The following FBXL17 variants were observed in gnomAD, a reference collection of about 807,000 sequenced individuals.
The protein encoded by FBXL17 is F-box/LRR-repeat protein 17.
FBXL17 carries 22 observed loss-of-function variants against 66.2 expected under a neutral mutation model. The observed-to-expected ratio is 0.33, with a 90% CI of 0.24 to 0.47. FBXL17 has a LOEUF of 0.47. Among genes scored for constraint, FBXL17 ranks in the 20% least tolerant of loss-of-function variants. The probability of loss-of-function intolerance (pLI) is 1.00; values close to 1 mark genes in which losing one functional copy is unlikely to be tolerated. For missense variants in FBXL17, 878 were observed against 948.2 expected, an observed-to-expected ratio of 0.93 and a Z score of 0.97; for synonymous variants, 474 against 400.5, an observed-to-expected ratio of 1.18 and a Z score of -2.19.
At chr5:108,257,283 A>C (rs1756617105) in intron 4 of FBXL17, among the ~76,000 whole-genome samples, 1 of 152,174 alleles carries the variant, frequency 6.6e-6, no homozygotes, top group South Asian at 2.1e-4. Context: ...TTATCTATAA[A>C]ACAGGGATTA....
intron 7 of FBXL17, among the ~76,000 whole-genome samples, chr5:107,894,203 T>G (rs142998089): frequency 6.6e-6 from 1 of 152,314 alleles, no homozygotes; most frequent in African/African-American, 2.4e-5. Context: ...AAGCTTTTCC[T>G]GAAAGATAGC....
At chr5:108,213,812 T>C (rs1754480973) in intron 5 of FBXL17, among the ~76,000 whole-genome samples, 1 of 152,214 alleles carries the variant, frequency 6.6e-6, no homozygotes, top group Non-Finnish European at 1.5e-5. Flanking sequence ...TTTAATATAG[T>C]TTTAATTTGC....
intron 6 of FBXL17, among the ~76,000 whole-genome samples, chr5:108,026,609 C>G (rs918336002): frequency 1.3e-5 from 2 of 152,160 alleles, no homozygotes; most frequent in Non-Finnish European, 2.9e-5. Context: ...ACCACAGGGG[C>G]AAAGACTAGG....
chr5:107,989,522 C>T (rs1388342213), intron 7 of FBXL17, among the ~76,000 whole-genome samples: 2 of 152,100 alleles, frequency 1.3e-5, no homozygotes, highest in Non-Finnish European at 2.9e-5. Flanking sequence ...TGCACCATGC[C>T]TTCATCCATT....
At chr5:107,968,274 T>A (rs771708109) in intron 7 of FBXL17, among the ~76,000 whole-genome samples, 2 of 152,110 alleles carry the variant, frequency 1.3e-5, no homozygotes, top group South Asian at 4.1e-4. Context: ...AGAGCTAGGA[T>A]TTGAACACAG....
At chr5:108,073,673 T>A (rs1580405343) in intron 6 of FBXL17, among the ~76,000 whole-genome samples, 1 of 152,018 alleles carries the variant, frequency 6.6e-6, no homozygotes, top group Admixed American at 6.5e-5. Context: ...AAATCCAACA[T>A]GTTAAGGTTA....
chr5:108,149,986 A>G (rs1005473770), intron 6 of FBXL17, among the ~76,000 whole-genome samples: 2 of 152,202 alleles, frequency 1.3e-5, no homozygotes, highest in Non-Finnish European at 2.9e-5. Flanking sequence ...ATACTAAAAA[A>G]AGAAAGAGTA....
intron 4 of FBXL17, among the ~76,000 whole-genome samples, chr5:108,234,194 T>C (rs904614360): frequency 2.0e-5 from 3 of 152,136 alleles, no homozygotes; most frequent in Non-Finnish European, 2.9e-5. Flanking sequence ...TTACTCTACT[T>C]ATAAACTTGG....
intron 7 of FBXL17, among the ~76,000 whole-genome samples, chr5:107,894,236 A>G (rs1749298642): frequency 6.6e-6 from 1 of 152,220 alleles, no homozygotes. Flanking sequence ...ACCTATATCC[A>G]GCTGATGAAT....
At chr5:108,261,555 C>T in intron 4 of FBXL17, among the ~76,000 whole-genome samples, 1 of 152,032 alleles carries the variant, frequency 6.6e-6, no homozygotes, top group East Asian at 1.9e-4. Context: ...CACACTGTCA[C>T]ACAAAGATGA....
intron 6 of FBXL17, among the ~76,000 whole-genome samples, chr5:108,075,011 G>A (rs1029122536): frequency 6.6e-6 from 1 of 152,210 alleles, no homozygotes; most frequent in African/African-American, 2.4e-5. Flanking sequence ...GTCCCATGGT[G>A]GTTCCCTTTT....
chr5:107,982,090 TATA>T (rs1265543109), intron 7 of FBXL17, among the ~76,000 whole-genome samples: 1 of 152,182 alleles, frequency 6.6e-6, no homozygotes, highest in Non-Finnish European at 1.5e-5. Context: ...GGCAATTTCA[TATA>T]ATATCTTAAG....
chr5:107,931,338 C>T (rs996195143), intron 7 of FBXL17, among the ~76,000 whole-genome samples: 1 of 150,428 alleles, frequency 6.6e-6, no homozygotes, highest in East Asian at 1.9e-4. Flanking sequence ...CGGCTCACTG[C>T]AGCCTTGACT....
chr5:107,956,646 G>A (rs1249685136), intron 7 of FBXL17, among the ~76,000 whole-genome samples: 1 of 152,130 alleles, frequency 6.6e-6, no homozygotes, highest in Non-Finnish European at 1.5e-5. Flanking sequence ...TTCAAAAATA[G>A]TATAATTAGT....
At chr5:108,286,715 C>T (rs1299623786) in intron 4 of FBXL17, among the ~76,000 whole-genome samples, 2 of 151,882 alleles carry the variant, frequency 1.3e-5, no homozygotes, top group African/African-American at 4.8e-5. Flanking sequence ...CTGCCAAAAG[C>T]AATTTAGAGA....
rs1753245519 is a variant in FBXL17, at chr5:107,991,459, C to T, written c.1822+29466G>A. ...TTCTTAGTCCCTATAGTTAAGAGCT[C>T]ATACCATGCCCATGCATAGGATTTC... On this transcript the variant is annotated intron_variant, in intron 7 of 8. Coordinates refer to ENST00000542267, the MANE Select transcript of FBXL17 (RefSeq NM_001163315.3). Among the ~76,000 whole-genome samples, 4 of 152,224 alleles carry T rather than the reference C, an allele frequency of 2.6e-5. 1 individual carries two copies. The highest frequency in any genetic ancestry group is 9.6e-5 in the African/African-American group (4 of 41,472).
intron 6 of FBXL17, among the ~76,000 whole-genome samples, chr5:108,029,221 TTATTTTTTA>T (rs1754940604): frequency 6.6e-6 from 1 of 152,122 alleles, no homozygotes; most frequent in African/African-American, 2.4e-5. Flanking sequence ...TGACTTCTTG[TTATTTTTTA>T]AAAGGGAAGG....
rs10075272 is a variant in FBXL17, at chr5:108,381,984, A to G, written c.-293T>C. The G allele has an allele frequency of 0.24, 286,423 of 1,191,102 alleles. 35,750 individuals carry two copies. Among genetic ancestry groups the G allele is most frequent in the Middle Eastern group, 0.36 (1,089 of 3,022 alleles). 73.8% of individuals were successfully genotyped at this position (1,191,102 alleles called of 1,614,324 possible). On this transcript the variant is annotated 5_prime_UTR_variant, in exon 1 of 9. Coordinates refer to ENST00000542267, the MANE Select transcript of FBXL17 (RefSeq NM_001163315.3). Reference sequence around the variant, plus strand: ...GAGCGAGCCTGCCGGCTAGGCGACCAGTCCGGGCCCGGCCAGCCGGCTCAG... The same window carrying G: ...GAGCGAGCCTGCCGGCTAGGCGACCGGTCCGGGCCCGGCCAGCCGGCTCAG...
intron 4 of FBXL17, among the ~76,000 whole-genome samples, chr5:108,254,233 T>C (rs1756479884): frequency 6.6e-6 from 1 of 152,180 alleles, no homozygotes; most frequent in African/African-American, 2.4e-5. Context: ...ACTGTGCTTC[T>C]AGAAAAGAAA....
Sources: allele counts gnomAD v4.1 joint callset (sites outside exome capture counted in the v4.1 genomes callset), GRCh38; gene constraint gnomAD v4.1.1; transcripts MANE v1.5; gene names NCBI Gene and HGNC (gene_info 2026-07-23, HGNC 2026-07-21).